TRIM22: variants seen among roughly 807,000 people sequenced by gnomAD.
TRIM22 encodes tripartite motif containing 22, also known as E3 ubiquitin-protein ligase TRIM22.
In TRIM22, 45 loss-of-function variants were observed where a neutral mutation model predicts 53.6. The observed-to-expected ratio is 0.84, with a 90% CI of 0.66 to 1.08. The LOEUF (loss-of-function observed/expected upper bound fraction) is 1.08. Ranked by LOEUF, TRIM22 falls within the 50% of genes least tolerant of loss-of-function variation. The probability of loss-of-function intolerance (pLI) is 0.00; values close to 1 mark genes in which losing one functional copy is unlikely to be tolerated. For synonymous variants in TRIM22, 225 were observed against 216.6 expected (o/e 1.04, Z -0.34); for missense variants, 616 against 590.9 (o/e 1.04, Z -0.44).
chr11:5,706,286 C>G (rs773230359), intron 4 of TRIM22, among the ~76,000 whole-genome samples: 97 of 152,098 alleles, frequency 6.4e-4, no homozygotes, highest in Non-Finnish European at 1.0e-4. Flanking sequence ...AGTCTGTGAC[C>G]ATCTATTTAT....
chr11:5,702,465 T>G (rs1853389304), intron 4 of TRIM22, among the ~76,000 whole-genome samples: 2 of 148,950 alleles, frequency 1.3e-5, no homozygotes, highest in African/African-American at 4.9e-5. Context: ...ATTTTAAAAA[T>G]ATAAATAACA....
At position 5,697,280 on chromosome 11, in the gene TRIM22, A is replaced by G. The variant is rs1362784128; in HGVS notation, c.456A>G (p.Ile152Met). The G allele has an allele frequency of 6.2e-7, 1 of 1,613,546 alleles. No individual in the cohort carries two copies. The highest frequency in any genetic ancestry group is 8.5e-7 in the Non-Finnish European group (1 of 1,179,752). ...EKLQVALQRL[I>M]KEDQEAEKLE... is the part of the protein sequence containing the mutation. ...TGCAGGTAGCCCTGCAGAGGCTGATAAAGGAGGATCAAGAGGCTGAGAAGC... is the reference window on the plus strand; with the variant it reads ...TGCAGGTAGCCCTGCAGAGGCTGATGAAGGAGGATCAAGAGGCTGAGAAGC... The change falls in exon 3 of 8, where the codon ATA (isoleucine) becomes ATG (methionine). Residue 152 changes from isoleucine to methionine, a missense_variant. By Grantham distance (10) the Ile-to-Met change is conservative (BLOSUM62 1). Coordinates refer to ENST00000379965, the MANE Select transcript of TRIM22 (RefSeq NM_006074.5).
intron 2 of TRIM22, chr11:5,696,864 A>G: frequency 1.7e-6 from 1 of 584,210 alleles, no homozygotes; most frequent in Non-Finnish European, 2.9e-6. Flanking sequence ...ATTTTTAGCA[A>G]GGAAAAGTTG....
chr11:5,690,160 C>A (rs774429389), intron 1 of TRIM22, among the ~76,000 whole-genome samples: 4 of 152,156 alleles, frequency 2.6e-5, no homozygotes, highest in Non-Finnish European at 5.9e-5. Context: ...ATCTAGGTAC[C>A]TCCATCACCT....
chr11:5,694,467 C>T (rs1853224895), intron 1 of TRIM22, among the ~76,000 whole-genome samples: 1 of 152,222 alleles, frequency 6.6e-6, no homozygotes, highest in African/African-American at 2.4e-5. Context: ...TGGTCTGGAT[C>T]TCTCCATTTC....
chr11:5,706,404 T>C, intron 4 of TRIM22, 190 bp from the exon 5 acceptor site: 1 of 405,060 alleles, frequency 2.5e-6, no homozygotes, highest in Non-Finnish European at 4.2e-6. Flanking sequence ...AAATACAGGA[T>C]GCTCAGTTAA....
At position 5,709,687 on chromosome 11, in the gene TRIM22, T is replaced by C; in HGVS notation, c.*39T>C. The C allele has an allele frequency of 6.5e-7, 1 of 1,540,252 alleles. No homozygotes were observed. Among genetic ancestry groups the C allele is most frequent in the Non-Finnish European group, 8.8e-7 (1 of 1,135,916 alleles). ...TTTACCCACTTCTGCATAGTAGCCC[T>C]TGTGCTGAGACTCAGATTCTGCACC... On this transcript the variant is annotated 3_prime_UTR_variant, in exon 8 of 8. Coordinates refer to ENST00000379965, the MANE Select transcript of TRIM22 (RefSeq NM_006074.5).
chr11:5,698,720 G>A (rs2134176207), intron 4 of TRIM22, among the ~76,000 whole-genome samples, 175 bp downstream of exon 4: 1 of 152,316 alleles, frequency 6.6e-6, no homozygotes, highest in South Asian at 2.1e-4. Context: ...ATCATTAAGT[G>A]TATGAATGGG....
At chr11:5,708,949 C>T (rs1402844641) in intron 7 of TRIM22, 104 bp from the exon 8 acceptor site, 1 of 893,760 alleles carries the variant, frequency 1.1e-6, no homozygotes, top group Non-Finnish European at 1.7e-6. Flanking sequence ...AACACAAGTT[C>T]CGTTTGATAT....
At chr11:5,697,512 G>C in intron 3 of TRIM22, 169 bp downstream of exon 3, 3 of 535,946 alleles carry the variant, frequency 5.6e-6, no homozygotes, top group Middle Eastern at 5.0e-4. Flanking sequence ...AGGGGCTGGA[G>C]AGTAGACATA....
chr11:5,702,630 G>A (rs113596126), intron 4 of TRIM22, among the ~76,000 whole-genome samples: 2 of 151,908 alleles, frequency 1.3e-5, no homozygotes, highest in Non-Finnish European at 2.9e-5. Context: ...TAACGTTGCT[G>A]TCATTCATTT....
At position 5,699,416 on chromosome 11, in the gene TRIM22, C is replaced by T. The variant is rs946086266; in HGVS notation, c.750+871C>T. Among the ~76,000 whole-genome samples, 3 of 142,402 alleles carry T rather than the reference C, an allele frequency of 2.1e-5. 1 individual carries two copies. The highest frequency in any genetic ancestry group is 8.5e-5 in the African/African-American group (3 of 35,496). 93.4% of individuals were successfully genotyped at this position (142,402 alleles called of 152,430 possible). A position where few individuals can be genotyped will look rare whatever the true frequency, so the allele number is the denominator to read the frequency against. On this transcript the variant is annotated intron_variant, in intron 4 of 7. Transcript: ENST00000379965. ...GCGGGCGCCTGTAGTCCCAGCTACT[C>T]GGGAGGCTGAGGCAGGAGAATGGCG...
At position 5,709,077 on chromosome 11, in the gene TRIM22, G is replaced by A; in HGVS notation, c.926G>A (p.Ser309Asn). 1 of 1,613,522 alleles carries A rather than the reference G, an allele frequency of 6.2e-7. No homozygotes were observed. Among genetic ancestry groups the A allele is most frequent in the South Asian group, 1.1e-5 (1 of 91,076 alleles). ...GTGGACGTGATGCTGAATCCAGGCA[G>A]TGCCACTTCGAATGTTGCTATTTCT... is the stretch of plus-strand genomic sequence containing the variant. ...YWVDVMLNPG[S>N]ATSNVAISVD... is the part of the protein sequence containing the mutation. Residue 309 changes from serine (S) to asparagine (N), a missense_variant, in exon 8 of 8, where the codon AGT (serine) becomes AAT (asparagine). Coordinates refer to ENST00000379965, the MANE Select transcript of TRIM22 (RefSeq NM_006074.5).
rs1462436803 is a variant in TRIM22 at position 5,697,328 on chromosome 11, G to A, written c.504G>A (p.Glu168=). 3.1e-6 allele frequency: 5 copies of A among 1,613,450 alleles called. No homozygotes were observed. The highest frequency in any genetic ancestry group is 8.5e-7 in the Non-Finnish European group (1 of 1,179,700). The change falls in exon 3 of 8, where the codon GAG becomes GAA. Residue 168 remains glutamate, a synonymous_variant. Coordinates refer to ENST00000379965, the MANE Select transcript of TRIM22 (RefSeq NM_006074.5). ...AGCTGGAAGATGACATCAGACAAGA[G>A]AGAACCGCCTGGAAGGCAGGAGGAG... The part of the protein sequence containing the change: ...AEKLEDDIRQ[E]RTAWKNYIQI...
chr11:5,704,902 G>A (rs183933459), intron 4 of TRIM22, among the ~76,000 whole-genome samples: 1 of 152,318 alleles, frequency 6.6e-6, no homozygotes, highest in East Asian at 1.9e-4. Flanking sequence ...GCAGAGAGCT[G>A]AGGAATGTGC....
intron 4 of TRIM22, among the ~76,000 whole-genome samples, chr11:5,701,904 A>G (rs750953934): frequency 9.9e-5 from 15 of 152,086 alleles, no homozygotes; most frequent in Non-Finnish European, 1.9e-4. Context: ...TAAAACGCCT[A>G]CCATTTTTCA....
In TRIM22 at chr11:5,698,519, A is replaced by G. The variant is rs546081957; in HGVS notation, c.724A>G (p.Arg242Gly). 10 of 1,613,762 alleles carry G rather than the reference A, an allele frequency of 6.2e-6. No individual in the cohort carries two copies. The African/African-American group carries it at 1.2e-4, about 19-fold the overall frequency. ...CATCTCAGATCTCCAGCGGAGGTTG[A>G]GGGGATCGTCAGTAGAGATGCTGCA... is the stretch of plus-strand genomic sequence containing the variant. ...TLISDLQRRL[R>G]GSSVEMLQDV... Residue 242 changes from arginine (R) to glycine (G), a missense_variant, in exon 4 of 8, where the codon AGG becomes GGG. Transcript: ENST00000379965.
rs1160957274 is a variant in TRIM22 at position 5,710,199 on chromosome 11, C to T, written c.*551C>T. On this transcript the variant is annotated 3_prime_UTR_variant, in exon 8 of 8. Transcript: ENST00000379965. ...CGATTTCACTCATAACAATCTTACC[C>T]TTTCTTGCAAGAGATGCTTGTACAT... The T allele has an allele frequency of 6.6e-6, 1 of 152,462 alleles. No homozygotes were observed. The highest frequency in any genetic ancestry group is 2.4e-5 in the African/African-American group (1 of 41,442). 9.4% of individuals were successfully genotyped at this position (152,462 alleles called of 1,614,324 possible).
intron 5 of TRIM22, 96 bp from the exon 6 acceptor site, chr11:5,708,077 C>T (rs953789972): frequency 3.6e-5 from 35 of 985,590 alleles, no homozygotes; most frequent in East Asian, 4.9e-5. Flanking sequence ...GGTCCAAGTG[C>T]GTCAGCAAGT....
Sources: allele counts gnomAD v4.1 joint callset (sites outside exome capture counted in the v4.1 genomes callset), GRCh38; gene constraint gnomAD v4.1.1; transcripts MANE v1.5; gene names NCBI Gene and HGNC (gene_info 2026-07-23, HGNC 2026-07-21).